POFUT1: variants seen among roughly 807,000 people sequenced by gnomAD.
POFUT1 encodes protein O-fucosyltransferase 1, also known as GDP-fucose protein O-fucosyltransferase 1.
POFUT1 carries 16 observed loss-of-function variants against 42.4 expected under a neutral mutation model. The observed-to-expected ratio is 0.38, with a 90% CI of 0.26 to 0.57. The LOEUF (loss-of-function observed/expected upper bound fraction) is 0.57, where lower values mean the gene tolerates loss of function less well. POFUT1 is among the 20% of genes least tolerant of loss of function. POFUT1 has a pLI of 0.71. For synonymous variants in POFUT1, 206 were observed against 205.4 expected (o/e 1.00, Z -0.03); for missense variants, 470 against 504.6 (o/e 0.93, Z 0.66).
intron 2 of POFUT1, among the ~76,000 whole-genome samples, chr20:32,214,318 T>G (rs2047347227): frequency 6.6e-6 from 1 of 151,920 alleles, no homozygotes; most frequent in Admixed American, 6.6e-5. Flanking sequence ...AGAGACAGGG[T>G]CTCGCTATGT....
At chr20:32,220,298 C>G (rs1258383920) in intron 4 of POFUT1, among the ~76,000 whole-genome samples, 2 of 152,216 alleles carry the variant, frequency 1.3e-5, no homozygotes, top group Admixed American at 1.3e-4. Context: ...CTCAAGTTAT[C>G]CTTTTTTGGT....
chr20:32,234,648 G>A lies in POFUT1; in HGVS notation c.1154G>A (p.Arg385Gln), dbSNP rs748270084. Residue 385 changes from arginine (R) to glutamine (Q), a missense_variant, in exon 7 of 7, where the codon CGG (arginine) becomes CAG (glutamine). Coordinates refer to ENST00000375749, the MANE Select transcript of POFUT1 (RefSeq NM_015352.2). ...FFGMDRPPKL[R>Q]DEF ...GGCATGGACAGGCCCCCTAAGCTGC[G>A]GGACGAGTTCTGATTCTGGCCGGAG... The A allele has an allele frequency of 1.3e-5, 21 of 1,608,682 alleles. No individual in the cohort carries two copies. The highest frequency in any genetic ancestry group is 2.2e-5 in the East Asian group (1 of 44,810).
In POFUT1 at chr20:32,228,437, G is replaced by A. The variant is rs2047425926; in HGVS notation, c.717G>A (p.Leu239=). 6.2e-7 allele frequency: 1 copy of A among 1,614,076 alleles called. No homozygotes were observed. The highest frequency in any genetic ancestry group is 8.5e-7 in the Non-Finnish European group (1 of 1,179,946). ...HLVRPYVGIH[L]RIGSDWKNAC... is the part of the protein sequence containing the mutation. Reference sequence around the variant, plus strand: ...TCCGGCCCTATGTGGGCATTCATCTGCGCATTGGCTCTGACTGGGTAACTT... The same window carrying A: ...TCCGGCCCTATGTGGGCATTCATCTACGCATTGGCTCTGACTGGGTAACTT... Residue 239 remains leucine (L), a synonymous_variant, in exon 5 of 7, where the codon CTG becomes CTA. Coordinates refer to ENST00000375749, the MANE Select transcript of POFUT1 (RefSeq NM_015352.2).
intron 4 of POFUT1, among the ~76,000 whole-genome samples, chr20:32,222,234 C>T (rs545372700): frequency 1.3e-5 from 2 of 152,232 alleles, no homozygotes; most frequent in South Asian, 4.2e-4. Flanking sequence ...ACCTGGGAGG[C>T]GGAGGTTGCA....
At chr20:32,221,529 G>A (rs749624055) in intron 4 of POFUT1, among the ~76,000 whole-genome samples, 1 of 151,764 alleles carries the variant, frequency 6.6e-6, no homozygotes, top group Non-Finnish European at 1.5e-5. Flanking sequence ...CCTGGGCAAC[G>A]TAGGGAGACC....
intron 4 of POFUT1, chr20:32,217,739 A>G (rs1432329783): frequency 1.0e-6 from 1 of 985,154 alleles, no homozygotes; most frequent in Non-Finnish European, 1.2e-6. Flanking sequence ...GTTATTACTC[A>G]CATGCTTTAT....
chr20:32,211,423 C>T (rs981689722), intron 2 of POFUT1, among the ~76,000 whole-genome samples: 1 of 152,104 alleles, frequency 6.6e-6, no homozygotes, highest in Non-Finnish European at 1.5e-5. Flanking sequence ...ACAGGCGCAC[C>T]ACCACGCCCA....
rs779950045 is a variant in POFUT1 at position 32,207,910 on chromosome 20, G to A, written c.-32G>A. ...CGTCCCTCCTTCCCTCCCCGACTGTGCGCCGCGGCTGGCTCGGGTTCCCGG... is the reference window on the plus strand; with the variant it reads ...CGTCCCTCCTTCCCTCCCCGACTGTACGCCGCGGCTGGCTCGGGTTCCCGG... On this transcript the variant is annotated 5_prime_UTR_variant, in exon 1 of 7. Coordinates refer to ENST00000375749, the MANE Select transcript of POFUT1 (RefSeq NM_015352.2). The A allele has an allele frequency of 1.9e-6, 3 of 1,563,644 alleles. No individual in the cohort carries two copies. The highest frequency in any genetic ancestry group is 2.7e-5 in the African/African-American group (2 of 73,356).
intron 1 of POFUT1, 103 bp downstream of exon 1, chr20:32,208,168 G>T: frequency 8.3e-7 from 1 of 1,206,876 alleles, no homozygotes; most frequent in Non-Finnish European, 1.2e-6. Context: ...GTCCAGGAGA[G>T]AACCTCAGAG....
intron 3 of POFUT1, among the ~76,000 whole-genome samples, chr20:32,216,113 G>A (rs901698590): frequency 1.3e-5 from 2 of 152,144 alleles, no homozygotes; most frequent in South Asian, 4.1e-4. Context: ...TATGTCTTTC[G>A]GTGTATGTGC....
Position 32,228,454 on chromosome 20 carries a change from G to A in POFUT1, c.734G>A (p.Trp245Ter). 6.2e-7 allele frequency: 1 copy of A among 1,613,272 alleles called. No homozygotes were observed. Among genetic ancestry groups the A allele is most frequent in the Non-Finnish European group, 8.5e-7 (1 of 1,179,412 alleles). Residue 245 changes from tryptophan (W) to a stop codon, truncating the protein, a stop_gained and splice_region_variant, in exon 5 of 7, where the codon TGG becomes TAG. Transcript: ENST00000375749. LOFTEE classifies it high-confidence loss of function. ...VGIHLRIGSD[W>*]KNACAMLKDG... ...ATTCATCTGCGCATTGGCTCTGACTGGGTAACTTCCCCCTTCCTCTCTCAC... is the reference window on the plus strand; with the variant it reads ...ATTCATCTGCGCATTGGCTCTGACTAGGTAACTTCCCCCTTCCTCTCTCAC...
intron 4 of POFUT1, among the ~76,000 whole-genome samples, chr20:32,227,079 C>G (rs1477063013): frequency 6.6e-6 from 1 of 152,116 alleles, no homozygotes; most frequent in East Asian, 1.9e-4. Context: ...AGGCACTTCC[C>G]CCCTCCAGCT....
intron 6 of POFUT1, 44 bp from the exon 7 acceptor site, chr20:32,234,429 C>G: frequency 6.5e-7 from 1 of 1,534,000 alleles, no homozygotes. Context: ...CAGGCCTTGG[C>G]CTGTAGCCAC....
At chr20:32,224,501 C>T (rs983177795) in intron 4 of POFUT1, among the ~76,000 whole-genome samples, 1 of 152,144 alleles carries the variant, frequency 6.6e-6, no homozygotes, top group African/African-American at 2.4e-5. Context: ...GTGACACAGG[C>T]CTTGGATAGC....
intron 4 of POFUT1, chr20:32,217,116 T>C: frequency 2.5e-6 from 4 of 1,596,528 alleles, no homozygotes; most frequent in Non-Finnish European, 3.4e-6. Context: ...TCCTGATAAT[T>C]ATTGGACGTG....
intron 4 of POFUT1, among the ~76,000 whole-genome samples, chr20:32,227,953 G>A (rs140197688): frequency 2.6e-5 from 4 of 152,280 alleles, no homozygotes; most frequent in African/African-American, 4.8e-5. Flanking sequence ...TTACTGCACC[G>A]CAGATTGGAA....
At chr20:32,227,662 G>C (rs2047421582) in intron 4 of POFUT1, among the ~76,000 whole-genome samples, 1 of 152,244 alleles carries the variant, frequency 6.6e-6, no homozygotes, top group Non-Finnish European at 1.5e-5. Context: ...CTGTGTATGA[G>C]GGGGAAGCAG....
chr20:32,210,093 T>C lies in POFUT1; in HGVS notation c.147T>C (p.Asp49=), dbSNP rs113552438. The change falls in exon 2 of 7, where the codon GAT becomes GAC. Residue 49 remains aspartate, a synonymous_variant. Coordinates refer to ENST00000375749, the MANE Select transcript of POFUT1 (RefSeq NM_015352.2). The stretch of plus-strand genomic sequence containing the variant: ...CAGGGCGCTTTGGGAACCAGGCCGA[T>C]CACTTCTTGGGCTCTCTGGCATTTG... ...PCMGRFGNQA[D]HFLGSLAFAK... 132 of 1,614,168 alleles carry C rather than the reference T, an allele frequency of 8.2e-5. No homozygotes were observed. In the African/African-American group the frequency reaches 1.2e-3, roughly 14 times the overall value.
Position 32,230,857 on chromosome 20 carries a change from C to G in POFUT1, c.774C>G (p.Gly258=), listed in dbSNP as rs1295472696. 6.2e-7 allele frequency: 1 copy of G among 1,614,000 alleles called. No individual in the cohort carries two copies. Among genetic ancestry groups the G allele is most frequent in the Non-Finnish European group, 8.5e-7 (1 of 1,180,044 alleles). The change falls in exon 6 of 7, where the codon GGC becomes GGG. Residue 258 remains glycine (G), a synonymous_variant. Transcript: ENST00000375749. The part of the protein sequence containing the change: ...ACAMLKDGTA[G]SHFMASPQCV... ...CCATGCTGAAGGACGGGACTGCAGG[C>G]TCGCACTTCATGGCCTCTCCGCAGT...
Sources: gnomAD v4.1 joint callset for allele counts (sites outside exome capture counted in the v4.1 genomes callset) on GRCh38, gnomAD v4.1.1 for gene constraint, MANE v1.5 for transcripts, NCBI Gene and HGNC (gene_info 2026-07-23, HGNC 2026-07-21) for gene names.